The following HS3ST4 variants were observed in gnomAD, a reference collection of about 807,000 sequenced individuals.
HS3ST4 encodes heparan sulfate glucosamine 3-O-sulfotransferase 4.
Under a neutral mutation model 29.2 loss-of-function variants are expected in HS3ST4, and 17 were observed. The ratio of observed to expected loss-of-function variants is 0.58; its 90% CI spans 0.40 to 0.87. HS3ST4 has a LOEUF of 0.87. Ranked by LOEUF, HS3ST4 falls within the 40% of genes least tolerant of loss-of-function variation. The pLI, the probability that HS3ST4 is intolerant of heterozygous loss-of-function variation, is 0.00. For synonymous variants in HS3ST4, 314 were observed against 285.7 expected (o/e 1.10, Z -1.00); for missense variants, 627 against 634.5 (o/e 0.99, Z 0.13).
At chr16:26,076,677 T>C (rs1898668029) in intron 1 of HS3ST4, among the ~76,000 whole-genome samples, 1 of 152,222 alleles carries the variant, frequency 6.6e-6, no homozygotes, top group African/African-American at 2.4e-5. Context: ...TGAGGATTAA[T>C]TGAGGTAACC....
chr16:25,956,112 A>G (rs986088228), intron 1 of HS3ST4, among the ~76,000 whole-genome samples: 1 of 152,154 alleles, frequency 6.6e-6, no homozygotes, highest in Non-Finnish European at 1.5e-5. Flanking sequence ...CACCATGCCC[A>G]GCCAATGTGT....
chr16:26,008,814 G>A (rs1283470861), intron 1 of HS3ST4, among the ~76,000 whole-genome samples: 5 of 152,132 alleles, frequency 3.3e-5, no homozygotes, highest in Admixed American at 2.6e-4. Flanking sequence ...GTGAGACCAT[G>A]TCTCTAGAAA....
chr16:26,107,346 A>T (rs1467933113), intron 1 of HS3ST4, among the ~76,000 whole-genome samples: 1 of 82,364 alleles, frequency 1.2e-5, no homozygotes, highest in South Asian at 3.6e-4. Context: ...TGAGATTGGC[A>T]TACAAACACA....
At chr16:25,745,123 G>A (rs771817007) in intron 1 of HS3ST4, among the ~76,000 whole-genome samples, 20 of 152,084 alleles carry the variant, frequency 1.3e-4, no homozygotes, top group Admixed American at 2.0e-4. Context: ...TTAGTCACAC[G>A]CTTAGTTGCA....
intron 1 of HS3ST4, among the ~76,000 whole-genome samples, chr16:25,814,092 A>G (rs968973167): frequency 6.6e-6 from 1 of 152,316 alleles, no homozygotes; most frequent in African/African-American, 2.4e-5. Context: ...GAATTGGTCC[A>G]AAAGGGGGAA....
chr16:25,763,548 T>A (rs966056832), intron 1 of HS3ST4, among the ~76,000 whole-genome samples: 1 of 152,170 alleles, frequency 6.6e-6, no homozygotes, highest in Non-Finnish European at 1.5e-5. Context: ...TGTAATTGTG[T>A]GCAGTAATAG....
chr16:25,905,528 C>A (rs1463937823), intron 1 of HS3ST4, among the ~76,000 whole-genome samples: 1 of 152,126 alleles, frequency 6.6e-6, no homozygotes, highest in African/African-American at 2.4e-5. Flanking sequence ...GACCTTCAGA[C>A]TCCACCTGAG....
At chr16:25,764,715 A>G (rs890594693) in intron 1 of HS3ST4, among the ~76,000 whole-genome samples, 1 of 152,240 alleles carries the variant, frequency 6.6e-6, no homozygotes, top group Non-Finnish European at 1.5e-5. Flanking sequence ...ATGGATAGGA[A>G]AATGAAGGGA....
chr16:25,742,466 A>G (rs1966661313), intron 1 of HS3ST4, among the ~76,000 whole-genome samples: 2 of 152,218 alleles, frequency 1.3e-5, no homozygotes, highest in Admixed American at 1.3e-4. Context: ...GGTCAGAAAC[A>G]TGGGAACCTT....
At chr16:26,100,155 G>A (rs946730897) in intron 1 of HS3ST4, among the ~76,000 whole-genome samples, 3 of 152,080 alleles carry the variant, frequency 2.0e-5, no homozygotes, top group African/African-American at 4.8e-5. Flanking sequence ...GGAAGGAGCA[G>A]GACCAAGGCT....
intron 1 of HS3ST4, among the ~76,000 whole-genome samples, chr16:25,706,062 G>C (rs1966373951): frequency 6.6e-6 from 1 of 152,186 alleles, no homozygotes; most frequent in Non-Finnish European, 1.5e-5. Flanking sequence ...TTATAGCATG[G>C]ATATCAAACG....
intron 1 of HS3ST4, among the ~76,000 whole-genome samples, chr16:25,719,907 C>G (rs1966481828): frequency 6.6e-6 from 1 of 152,190 alleles, no homozygotes; most frequent in African/African-American, 2.4e-5. Flanking sequence ...AAACTTCCTT[C>G]TTAAATAAGT....
chr16:25,839,964 G>A (rs1967396874), intron 1 of HS3ST4, among the ~76,000 whole-genome samples: 1 of 152,188 alleles, frequency 6.6e-6, no homozygotes, highest in African/African-American at 2.4e-5. Context: ...GAAACCATAT[G>A]TGGAATACTT....
chr16:26,084,536 C>A (rs1898761301), intron 1 of HS3ST4, among the ~76,000 whole-genome samples: 1 of 152,148 alleles, frequency 6.6e-6, no homozygotes. Context: ...GTTGCCTGAT[C>A]TGAACAGTGA....
At chr16:25,831,860 C>A (rs778300264) in intron 1 of HS3ST4, among the ~76,000 whole-genome samples, 1 of 151,898 alleles carries the variant, frequency 6.6e-6, no homozygotes, top group Admixed American at 6.6e-5. Context: ...AATCCCGGCC[C>A]TTTGAGAGGT....
At chr16:25,856,159 C>T (rs1967572452) in intron 1 of HS3ST4, among the ~76,000 whole-genome samples, 4 of 152,132 alleles carry the variant, frequency 2.6e-5, no homozygotes, top group South Asian at 4.2e-4. Flanking sequence ...GGTGGATGCC[C>T]TGTGGTATAA....
At chr16:26,050,283 ACTCT>A (rs1034252904) in intron 1 of HS3ST4, among the ~76,000 whole-genome samples, 1 of 149,218 alleles carries the variant, frequency 6.7e-6, no homozygotes, top group African/African-American at 2.5e-5. Context: ...GAGGTAGAAG[ACTCT>A]CTCTCTCTGT....
chr16:26,081,702 A>T (rs1898725612), intron 1 of HS3ST4, among the ~76,000 whole-genome samples: 1 of 151,448 alleles, frequency 6.6e-6, no homozygotes, highest in Non-Finnish European at 1.5e-5. Flanking sequence ...AATAGGGTGT[A>T]TCAAGACCTG....
At position 25,833,159 on chromosome 16, in the gene HS3ST4, T is replaced by C. The variant is rs541509218; in HGVS notation, c.734+140008T>C. ...TAATTTTCTGTGTGTTTTGCCTTAA[T>C]AGCTTGAGACCTTTGGACCGATTTC... is the stretch of plus-strand genomic sequence containing the variant. On this transcript the variant is annotated intron_variant, in intron 1 of 1. Coordinates refer to ENST00000331351, the MANE Select transcript of HS3ST4 (RefSeq NM_006040.3). Among the ~76,000 whole-genome samples the C allele has an allele frequency of 1.1e-4, 17 of 152,372 alleles. No individual in the cohort carries two copies. In the South Asian group the frequency reaches 2.1e-3, roughly 19 times the overall value.
Sources: gnomAD v4.1 joint callset for allele counts (sites outside exome capture counted in the v4.1 genomes callset) on GRCh38, gnomAD v4.1.1 for gene constraint, MANE v1.5 for transcripts, NCBI Gene and HGNC (gene_info 2026-07-23, HGNC 2026-07-21) for gene names.